The following RCHY1 variants were observed in gnomAD, a reference collection of about 807,000 sequenced individuals.
The protein encoded by RCHY1 is RING finger and CHY zinc finger domain-containing protein 1.
A neutral mutation model predicts 41.6 loss-of-function variants in RCHY1; 21 were observed. The observed-to-expected ratio is 0.51, with a 90% CI of 0.36 to 0.73. The LOEUF is 0.73. Among genes scored for constraint, RCHY1 ranks in the 30% least tolerant of loss-of-function variants. RCHY1 has a pLI of 0.00. For missense variants in RCHY1, 265 were observed against 325.3 expected (o/e 0.81, Z 1.43); for synonymous variants, 79 against 102.9 (o/e 0.77, Z 1.41).
chr4:75,506,389 T>C (rs1330760279), intron 3 of RCHY1, among the ~76,000 whole-genome samples: 2 of 151,706 alleles, frequency 1.3e-5, no homozygotes, highest in African/African-American at 4.8e-5. Context: ...AATCAAGATA[T>C]TGGAGTTATT....
intron 8 of RCHY1, among the ~76,000 whole-genome samples, chr4:75,486,126 C>T (rs1297320576): frequency 1.3e-5 from 2 of 152,152 alleles, no homozygotes; most frequent in African/African-American, 4.8e-5. Context: ...ATCCTCCAAG[C>T]ATCATCTTTA....
intron 3 of RCHY1, among the ~76,000 whole-genome samples, chr4:75,497,565 C>T (rs1000429848): frequency 6.6e-6 from 1 of 152,106 alleles, no homozygotes; most frequent in African/African-American, 2.4e-5. Context: ...CCTTGCAAAT[C>T]GTTCTTTGCT....
chr4:75,510,925 C>T (rs1320639264), intron 1 of RCHY1, among the ~76,000 whole-genome samples: 1 of 152,136 alleles, frequency 6.6e-6, no homozygotes, highest in Non-Finnish European at 1.5e-5. Context: ...TCTGGCCTCA[C>T]ACAAATATGT....
chr4:75,512,625 G>A (rs933343349), intron 1 of RCHY1, among the ~76,000 whole-genome samples: 3 of 152,060 alleles, frequency 2.0e-5, no homozygotes, highest in Admixed American at 6.5e-5. Flanking sequence ...AAAATATGGT[G>A]CCAGATCTCC....
intron 8 of RCHY1, among the ~76,000 whole-genome samples, chr4:75,486,103 T>C (rs1721975343): frequency 6.6e-6 from 1 of 152,114 alleles, no homozygotes; most frequent in South Asian, 2.1e-4. Context: ...CTGGCTATTC[T>C]AGGAGGGGTT....
intron 8 of RCHY1, among the ~76,000 whole-genome samples, chr4:75,489,407 T>C (rs543389865): frequency 6.6e-5 from 10 of 152,332 alleles, no homozygotes; most frequent in Admixed American, 5.2e-4. Flanking sequence ...AATGTGTTTC[T>C]CTCATGGGAC....
In RCHY1 at chr4:75,491,784, T is replaced by C. The variant is rs1722775435; in HGVS notation, c.451-2A>G. The C allele has an allele frequency of 1.2e-6, 2 of 1,612,608 alleles. No homozygotes were observed. Among genetic ancestry groups the C allele is most frequent in the African/African-American group, 1.3e-5 (1 of 74,884 alleles). On this transcript the variant is annotated splice_acceptor_variant, in intron 5 of 8. Coordinates refer to ENST00000324439, the MANE Select transcript of RCHY1 (RefSeq NM_015436.4). LOFTEE classifies it high-confidence loss of function. ...AACAACACGGGATGTGTGAATGTCCTGTAAATGAAATAAATGTTAGTGCTT... is the reference window on the plus strand; with the variant it reads ...AACAACACGGGATGTGTGAATGTCCCGTAAATGAAATAAATGTTAGTGCTT...
At chr4:75,504,396 T>A (rs1479837662) in intron 3 of RCHY1, among the ~76,000 whole-genome samples, 1 of 152,166 alleles carries the variant, frequency 6.6e-6, no homozygotes, top group African/African-American at 2.4e-5. Flanking sequence ...CTACTCAACA[T>A]GAAGAAGGAT....
At chr4:75,491,316 T>C in intron 7 of RCHY1, 1 of 276,726 alleles carries the variant, frequency 3.6e-6, no homozygotes, top group Non-Finnish European at 6.8e-6. Flanking sequence ...TTTACAACAC[T>C]ATAACTGCAT....
intron 8 of RCHY1, among the ~76,000 whole-genome samples, chr4:75,484,455 C>CA (rs1721812390): frequency 6.6e-6 from 1 of 151,970 alleles, no homozygotes; most frequent in African/African-American, 2.4e-5. Context: ...CAGTAAATGG[C>CA]AAAACAGCAG....
rs1318534315 is a variant in RCHY1, at chr4:75,514,399, A to G, written c.-113T>C. 1 of 1,242,632 alleles carries G rather than the reference A, an allele frequency of 8.0e-7. No homozygotes were observed. The highest frequency in any genetic ancestry group is 1.1e-6 in the Non-Finnish European group (1 of 909,030). The allele number at this position is 1,242,632 out of a possible 1,614,324, so 77.0% of individuals were successfully genotyped here. ...CCCAGCCCCAGCGGCCACTAGCGAC[A>G]ATATGGCTCCTAAGCACGTGACCCG... On this transcript the variant is annotated 5_prime_UTR_variant, in exon 1 of 9. Transcript: ENST00000324439.
intron 1 of RCHY1, chr4:75,509,689 G>A (rs1446458685): frequency 1.2e-5 from 2 of 173,218 alleles, no homozygotes; most frequent in African/African-American, 4.8e-5. Context: ...AATCATGGGG[G>A]CCAGACTCTC....
At chr4:75,484,897 A>C (rs1248088515) in intron 8 of RCHY1, among the ~76,000 whole-genome samples, 2 of 152,204 alleles carry the variant, frequency 1.3e-5, no homozygotes, top group Non-Finnish European at 2.9e-5. Context: ...GCATTTGAAA[A>C]TGAGGGCTCC....
intron 3 of RCHY1, among the ~76,000 whole-genome samples, chr4:75,500,874 T>C (rs1443170541): frequency 6.6e-6 from 1 of 152,186 alleles, no homozygotes; most frequent in Non-Finnish European, 1.5e-5. Flanking sequence ...AAAAGACTGA[T>C]TTTCAAACAA....
chr4:75,488,591 T>G (rs1456801369), intron 8 of RCHY1, among the ~76,000 whole-genome samples: 1 of 152,212 alleles, frequency 6.6e-6, no homozygotes, highest in African/African-American at 2.4e-5. Context: ...CAGCCAGTAC[T>G]GAAATTGTTT....
chr4:75,483,878 C>T lies in RCHY1; in HGVS notation c.658-1212G>A, dbSNP rs1721753971. On this transcript the variant is annotated intron_variant, in intron 8 of 8. Coordinates refer to ENST00000324439, the MANE Select transcript of RCHY1 (RefSeq NM_015436.4). ...TTATCTAGCCAGAATACTAGGCTTT[C>T]CCATTCTAATCTAAAACTCAATACC... is the stretch of plus-strand genomic sequence containing the variant. 2.0e-5 allele frequency among the ~76,000 whole-genome samples: 3 copies of T among 152,074 alleles called. 1 individual carries two copies. The highest frequency in any genetic ancestry group is 4.1e-4 in the South Asian group (2 of 4,826).
intron 3 of RCHY1, among the ~76,000 whole-genome samples, chr4:75,497,838 T>C (rs1425479056): frequency 6.6e-6 from 1 of 150,736 alleles, no homozygotes; most frequent in African/African-American, 2.4e-5. Flanking sequence ...AACTATACAA[T>C]GGAATGTCAT....
At chr4:75,491,000 T>C (rs1722698247) in intron 7 of RCHY1, 1 of 203,468 alleles carries the variant, frequency 4.9e-6, no homozygotes. Flanking sequence ...CTACTCCTTA[T>C]CTAAACAACC....
intron 3 of RCHY1, among the ~76,000 whole-genome samples, chr4:75,508,543 T>A (rs1279358217): frequency 6.6e-6 from 1 of 152,154 alleles, no homozygotes; most frequent in African/African-American, 2.4e-5. Context: ...ACATATTTTA[T>A]AATCCAAAGG....
Sources: allele counts gnomAD v4.1 joint callset (sites outside exome capture counted in the v4.1 genomes callset), GRCh38; gene constraint gnomAD v4.1.1; transcripts MANE v1.5; gene names NCBI Gene and HGNC (gene_info 2026-07-23, HGNC 2026-07-21).